The following LMBRD1 variants were observed in gnomAD, a reference collection of about 807,000 sequenced individuals.
LMBRD1 encodes the protein LMBR1 domain containing 1, also known as lysosomal cobalamin transport escort protein LMBD1.
Under a neutral mutation model 74.8 loss-of-function variants are expected in LMBRD1, and 64 were observed. That is an observed-to-expected ratio of 0.86 (90% CI 0.70 to 1.05). The LOEUF is 1.05. Ranked by LOEUF, LMBRD1 falls within the 50% of genes least tolerant of loss-of-function variation. The pLI is 0.00. For synonymous variants in LMBRD1, 204 were observed against 216.3 expected, an observed-to-expected ratio of 0.94 and a Z score of 0.50; for missense variants, 652 against 645.9, an observed-to-expected ratio of 1.01 and a Z score of -0.10.
At chr6:69,695,578 T>C (rs1357486263) in intron 14 of LMBRD1, among the ~76,000 whole-genome samples, 2 of 152,220 alleles carry the variant, frequency 1.3e-5, no homozygotes, top group African/African-American at 4.8e-5. Flanking sequence ...ATCTCTAGAT[T>C]ACTTATAACA....
intron 3 of LMBRD1, among the ~76,000 whole-genome samples, chr6:69,762,015 T>C (rs1765385375): frequency 6.6e-6 from 1 of 152,250 alleles, no homozygotes; most frequent in Admixed American, 6.5e-5. Flanking sequence ...TCTGTGCTGC[T>C]GTAGCAAAGC....
chr6:69,791,447 T>C (rs1766082812), intron 1 of LMBRD1, among the ~76,000 whole-genome samples: 1 of 152,218 alleles, frequency 6.6e-6, no homozygotes, highest in South Asian at 2.1e-4. Flanking sequence ...ATAACTTCCC[T>C]ACATTCCCCA....
At chr6:69,790,670 C>T (rs45470492) in intron 1 of LMBRD1, 198 bp from the exon 2 acceptor site, 16 of 586,484 alleles carry the variant, frequency 2.7e-5, no homozygotes, top group African/African-American at 1.1e-4. Context: ...CAGTACATCA[C>T]GTATGCATAC....
At chr6:69,712,370 A>T (rs191188535) in intron 9 of LMBRD1, among the ~76,000 whole-genome samples, 2 of 152,158 alleles carry the variant, frequency 1.3e-5, no homozygotes, top group Non-Finnish European at 2.9e-5. Context: ...ATGTCAAATA[A>T]TATCTTTAAC....
At chr6:69,681,771 C>G (rs1308281347) in intron 14 of LMBRD1, among the ~76,000 whole-genome samples, 1 of 151,810 alleles carries the variant, frequency 6.6e-6, no homozygotes, top group Non-Finnish European at 1.5e-5. Context: ...ATGACTGTGC[C>G]AATTGGTTCC....
intron 3 of LMBRD1, among the ~76,000 whole-genome samples, chr6:69,765,479 ATCTGCAATACTATATAG>A (rs1298651954): frequency 6.6e-6 from 1 of 152,138 alleles, no homozygotes; most frequent in African/African-American, 2.4e-5. Context: ...ATGTCTGACC[ATCTGCAATACTATATAG>A]TCTTGTTTAC....
intron 3 of LMBRD1, among the ~76,000 whole-genome samples, chr6:69,768,111 G>A (rs368685707): frequency 2.6e-5 from 4 of 151,818 alleles, no homozygotes; most frequent in African/African-American, 4.8e-5. Context: ...ACACGTTGAC[G>A]AATCTTCATT....
Position 69,705,275 on chromosome 6 carries a change from T to G in LMBRD1, c.916-3322A>C, listed in dbSNP as rs1309639164. ...GACAGAAAAATTTTAACAAATTGTT[T>G]AAACTATTTTCTTAAAGAGACTTCC... On this transcript the variant is annotated intron_variant, in intron 9 of 15. Coordinates refer to ENST00000649934, the MANE Select transcript of LMBRD1 (RefSeq NM_018368.4). 1.5e-5 allele frequency: 11 copies of G among 725,228 alleles called. No homozygotes were observed. In the East Asian group the frequency reaches 2.8e-4, roughly 18 times the overall value. The allele number at this position is 725,228 out of a possible 1,614,324, so 44.9% of individuals were successfully genotyped here. A position where few individuals can be genotyped will look rare whatever the true frequency, so the allele number is the denominator to read the frequency against.
At chr6:69,727,897 T>C (rs1225845061) in intron 7 of LMBRD1, among the ~76,000 whole-genome samples, 1 of 152,276 alleles carries the variant, frequency 6.6e-6, no homozygotes, top group East Asian at 1.9e-4. Flanking sequence ...CTTTAAACAT[T>C]ATTGATAAAA....
chr6:69,778,851 A>G (rs894714992), intron 3 of LMBRD1, among the ~76,000 whole-genome samples: 1 of 152,136 alleles, frequency 6.6e-6, no homozygotes, highest in Non-Finnish European at 1.5e-5. Flanking sequence ...GGGCCTACAG[A>G]TTTTAGATTA....
At position 69,700,844 on chromosome 6, in the gene LMBRD1, A is replaced by G. The variant is rs1484027580; in HGVS notation, c.1109T>C (p.Ile370Thr). 1.4e-6 allele frequency: 2 copies of G among 1,443,500 alleles called. No individual in the cohort carries two copies. Among genetic ancestry groups the G allele is most frequent in the African/African-American group, 1.5e-5 (1 of 68,924 alleles). 89.4% of individuals were successfully genotyped at this position (1,443,500 alleles called of 1,614,324 possible). A position where few individuals can be genotyped will look rare whatever the true frequency, so the allele number is the denominator to read the frequency against. The change falls in exon 12 of 16, where the codon ATA (isoleucine) becomes ACA (threonine). Residue 370 changes from isoleucine to threonine, a missense_variant. This residue lies in a region of LMBRD1 where 598 missense variants were observed against 581.8 expected (regional missense o/e 1.03). Transcript: ENST00000649934. ...QTVFPLDYIL[I>T]TIIIMYFIFT... is the part of the protein sequence containing the mutation. Reference sequence around the variant, plus strand: ...AATAAAGTACATAATAATAATTGTTATAAGAATATAATCAAGAGGGAAAAC... The same window carrying G: ...AATAAAGTACATAATAATAATTGTTGTAAGAATATAATCAAGAGGGAAAAC...
In LMBRD1 at chr6:69,790,417, C is replaced by T. The variant is rs200444411; in HGVS notation, c.125G>A (p.Ser42Asn). The T allele has an allele frequency of 1.9e-6, 3 of 1,614,066 alleles. 1 individual carries two copies. Among genetic ancestry groups the T allele is most frequent in the Non-Finnish European group, 2.5e-6 (3 of 1,179,978 alleles). ...YVRKYQSRRESEVVSTITAIF... is the reference protein window; with the variant it reads ...YVRKYQSRRENEVVSTITAIF... Reference sequence around the variant, plus strand: ...TGCTGTTATGGTGGAGACAACTTCACTTTCCCGCCGACTTTGGTATTTACG... The same window carrying T: ...TGCTGTTATGGTGGAGACAACTTCATTTTCCCGCCGACTTTGGTATTTACG... The change falls in exon 2 of 16, where the codon AGT becomes AAT. Residue 42 changes from serine to asparagine, a missense_variant. By Grantham distance (46) the Ser-to-Asn change is conservative. Around this residue, in one of 3 missense-constraint regions of LMBRD1, gnomAD observed 598 missense variants for 581.8 expected, o/e 1.03. Transcript: ENST00000649934.
intron 14 of LMBRD1, among the ~76,000 whole-genome samples, chr6:69,692,775 T>G (rs1376502700): frequency 6.6e-6 from 1 of 152,138 alleles, no homozygotes; most frequent in East Asian, 1.9e-4. Flanking sequence ...GATTACAATT[T>G]CATTACAGCT....
chr6:69,780,137 T>C (rs1259670139), intron 3 of LMBRD1, among the ~76,000 whole-genome samples: 1 of 150,720 alleles, frequency 6.6e-6, no homozygotes, highest in Non-Finnish European at 1.5e-5. Context: ...TTTTTTTTTT[T>C]TTTAACAGGC....
At chr6:69,756,206 C>CA (rs1225046945) in intron 3 of LMBRD1, among the ~76,000 whole-genome samples, 1 of 151,628 alleles carries the variant, frequency 6.6e-6, no homozygotes, top group Non-Finnish European at 1.5e-5. Flanking sequence ...ACTAAAAATA[C>CA]AAAAAAACTA....
chr6:69,695,841 CTT>C (rs70987485), intron 14 of LMBRD1, among the ~76,000 whole-genome samples: 73,031 of 140,338 alleles, frequency 0.52, 19,280 homozygotes, highest in Non-Finnish European at 0.58. Flanking sequence ...AACCTTAGTA[CTT>C]TTTTTTTTTT....
At chr6:69,692,285 T>TCG (rs1204912997) in intron 14 of LMBRD1, among the ~76,000 whole-genome samples, 1 of 62,908 alleles carries the variant, frequency 1.6e-5, no homozygotes, top group Non-Finnish European at 4.2e-5. Flanking sequence ...TCTCTCTCTC[T>TCG]CTCGCTCTCT....
chr6:69,707,841 TAATA>T (rs1029634151), intron 9 of LMBRD1, among the ~76,000 whole-genome samples: 3 of 152,156 alleles, frequency 2.0e-5, no homozygotes, highest in African/African-American at 7.2e-5. Flanking sequence ...AATTACCGTT[TAATA>T]AATACATTGT....
intron 1 of LMBRD1, among the ~76,000 whole-genome samples, chr6:69,792,075 C>A (rs2149898498): frequency 6.6e-6 from 1 of 152,320 alleles, no homozygotes; most frequent in East Asian, 1.9e-4. Flanking sequence ...TTCAAGAAGT[C>A]TCTACTTTTT....
Sources: allele counts gnomAD v4.1 joint callset (sites outside exome capture counted in the v4.1 genomes callset), GRCh38; gene constraint gnomAD v4.1.1; regional missense constraint gnomAD v4.1.1; transcripts MANE v1.5; gene names NCBI Gene and HGNC (gene_info 2026-07-23, HGNC 2026-07-21).